ST7: variants seen among roughly 807,000 people sequenced by gnomAD.
ST7 encodes the protein suppression of tumorigenicity 7, also known as suppressor of tumorigenicity 7 protein.
In ST7, 28 loss-of-function variants were observed where a neutral mutation model predicts 78.7. The ratio of observed to expected loss-of-function variants is 0.36; its 90% CI spans 0.26 to 0.49. The LOEUF is 0.49. ST7 is among the 20% of genes least tolerant of loss of function. The pLI, the probability that ST7 is intolerant of heterozygous loss-of-function variation, is 0.99. For missense variants in ST7, 418 were observed against 696.0 expected, an observed-to-expected ratio of 0.60 and a Z score of 4.49; for synonymous variants, 247 against 249.6, an observed-to-expected ratio of 0.99 and a Z score of 0.10.
intron 1 of ST7, among the ~76,000 whole-genome samples, chr7:117,034,921 A>C (rs147632374): frequency 6.6e-6 from 1 of 152,210 alleles, no homozygotes; most frequent in African/African-American, 2.4e-5. Flanking sequence ...TTTAGGATTT[A>C]TACTAACATG....
chr7:117,129,786 G>A lies in ST7; in HGVS notation c.395-7G>A. ...GCGTAACATTTTCATATTTCTCTTTGTTGCAGAATGCAAAGTATGGCGAAA... is the reference window on the plus strand; with the variant it reads ...GCGTAACATTTTCATATTTCTCTTTATTGCAGAATGCAAAGTATGGCGAAA... On this transcript the variant is annotated splice_region_variant and splice_polypyrimidine_tract_variant and intron_variant, in intron 3 of 15. Transcript: ENST00000323984. 1 of 1,608,704 alleles carries A rather than the reference G, an allele frequency of 6.2e-7. No individual in the cohort carries two copies.
At chr7:117,001,996 C>T (rs577036520) in intron 1 of ST7, among the ~76,000 whole-genome samples, 6 of 152,148 alleles carry the variant, frequency 3.9e-5, no homozygotes, top group South Asian at 2.1e-4. Context: ...GAGGCTGAGG[C>T]GGACGGATCA....
chr7:117,041,291 T>C (rs913970668), intron 1 of ST7, among the ~76,000 whole-genome samples: 5 of 152,202 alleles, frequency 3.3e-5, no homozygotes, highest in African/African-American at 1.2e-4. Flanking sequence ...TGGTTATTCA[T>C]TGCAAATTCT....
chr7:117,085,323 T>C (rs991126704), intron 1 of ST7, among the ~76,000 whole-genome samples: 3 of 152,206 alleles, frequency 2.0e-5, no homozygotes, highest in African/African-American at 7.2e-5. Context: ...CATTTATGTA[T>C]CTGGTTTTGC....
At chr7:117,025,308 AC>A (rs1796129981) in intron 1 of ST7, among the ~76,000 whole-genome samples, 1 of 152,178 alleles carries the variant, frequency 6.6e-6, no homozygotes, top group Non-Finnish European at 1.5e-5. Context: ...TCTAATTATT[AC>A]TAAATCATTG....
chr7:117,209,099 A>G (rs575226916), intron 12 of ST7, among the ~76,000 whole-genome samples: 201 of 152,300 alleles, frequency 1.3e-3, no homozygotes, highest in Non-Finnish European at 1.8e-3. Context: ...CCCGGGAAGT[A>G]TATCCATTCT....
chr7:116,971,269 C>A (rs575632131), intron 1 of ST7, among the ~76,000 whole-genome samples: 1 of 152,284 alleles, frequency 6.6e-6, no homozygotes, highest in African/African-American at 2.4e-5. Flanking sequence ...CTGACTGATA[C>A]AAAGCACAAT....
At chr7:117,002,599 T>C (rs1794979124) in intron 1 of ST7, among the ~76,000 whole-genome samples, 1 of 151,776 alleles carries the variant, frequency 6.6e-6, no homozygotes, top group Non-Finnish European at 1.5e-5. Context: ...TGATCAGATA[T>C]ATAGAATCTC....
At chr7:117,132,000 A>C in intron 6 of ST7, 40 bp downstream of exon 6, 392 of 1,551,182 alleles carry the variant, frequency 2.5e-4, no homozygotes, top group Non-Finnish European at 3.2e-4. Context: ...AGGAAATCTC[A>C]TCCTTTGCTG....
intron 9 of ST7, among the ~76,000 whole-genome samples, chr7:117,156,350 A>C (rs1430439663): frequency 6.6e-6 from 1 of 152,218 alleles, no homozygotes; most frequent in Non-Finnish European, 1.5e-5. Context: ...TTTTTAGCCT[A>C]ATCAACTTGG....
intron 14 of ST7, among the ~76,000 whole-genome samples, chr7:117,220,888 T>C (rs956226284): frequency 6.6e-6 from 1 of 152,138 alleles, no homozygotes; most frequent in African/African-American, 2.4e-5. Context: ...CCCTCAGTAT[T>C]AGCCTTGTGG....
Position 117,071,534 on chromosome 7 carries a change from A to G in ST7, c.152-28228A>G, listed in dbSNP as rs532984699. Among the ~76,000 whole-genome samples, 6 of 152,366 alleles carry G rather than the reference A, an allele frequency of 3.9e-5. No homozygotes were observed. The South Asian group carries it at 1.2e-3, about 32-fold the overall frequency. On this transcript the variant is annotated intron_variant, in intron 1 of 15. Coordinates refer to ENST00000323984, the MANE Select transcript of ST7 (RefSeq NM_001369598.1). ...TTTTATTCTTCAAAGACACCATATG[A>G]AAATATGGGCTTTGCCAAAGTAAGA...
intron 1 of ST7, chr7:117,020,707 C>A: frequency 6.5e-7 from 1 of 1,539,916 alleles, no homozygotes; most frequent in South Asian, 1.2e-5. Context: ...GAGTTCATAT[C>A]ACTTTGCCTT....
At chr7:116,965,367 G>A (rs923948110) in intron 1 of ST7, among the ~76,000 whole-genome samples, 1 of 151,124 alleles carries the variant, frequency 6.6e-6, no homozygotes, top group African/African-American at 2.4e-5. Flanking sequence ...AAAATTCTAT[G>A]GACACAGGGA....
At chr7:117,029,218 T>G (rs1796351287) in intron 1 of ST7, among the ~76,000 whole-genome samples, 1 of 152,200 alleles carries the variant, frequency 6.6e-6, no homozygotes, top group African/African-American at 2.4e-5. Flanking sequence ...CCACTAGCAA[T>G]GGATGGGAGT....
chr7:117,170,779 T>G, intron 9 of ST7, 83 bp from the exon 10 acceptor site: 1 of 500,122 alleles, frequency 2.0e-6, no homozygotes, highest in South Asian at 7.6e-5. Flanking sequence ...ATATATACAA[T>G]AAATATATAT....
At chr7:117,179,080 T>C (rs2117313117) in intron 10 of ST7, among the ~76,000 whole-genome samples, 1 of 152,296 alleles carries the variant, frequency 6.6e-6, no homozygotes, top group African/African-American at 2.4e-5. Context: ...CAAATAGACA[T>C]CGAGATTAGA....
chr7:117,202,197 C>G (rs1810928287), intron 12 of ST7, among the ~76,000 whole-genome samples: 1 of 21,572 alleles, frequency 4.6e-5, no homozygotes, highest in East Asian at 0.024. Context: ...CTCCTGACCT[C>G]GTGATCCGCC....
chr7:117,092,469 G>T (rs1800710125), intron 1 of ST7, among the ~76,000 whole-genome samples: 1 of 152,088 alleles, frequency 6.6e-6, no homozygotes. Flanking sequence ...AAATTAGCAG[G>T]AGTGTAAACT....
Sources: gnomAD v4.1 joint callset for allele counts (sites outside exome capture counted in the v4.1 genomes callset) on GRCh38, gnomAD v4.1.1 for gene constraint, MANE v1.5 for transcripts, NCBI Gene and HGNC (gene_info 2026-07-23, HGNC 2026-07-21) for gene names.